KLRG1: variants seen among roughly 807,000 people sequenced by gnomAD.
KLRG1 encodes killer cell lectin-like receptor subfamily G member 1.
A neutral mutation model predicts 21.8 loss-of-function variants in KLRG1; 16 were observed. The ratio of observed to expected loss-of-function variants is 0.73; its 90% CI spans 0.50 to 1.11. The LOEUF (loss-of-function observed/expected upper bound fraction) is 1.11, where lower values mean the gene tolerates loss of function less well. KLRG1 is among the 50% of genes most tolerant of loss of function. KLRG1 has a pLI of 0.00. For synonymous variants in KLRG1, 69 were observed against 75.9 expected, an observed-to-expected ratio of 0.91 and a Z score of 0.47; for missense variants, 173 against 218.3, an observed-to-expected ratio of 0.79 and a Z score of 1.31.
the KLRG1 span, chr12:9,028,803 T>G: frequency 1.5e-5 from 9 of 620,392 alleles, no homozygotes; most frequent in Non-Finnish European, 2.7e-5. Context: ...GCACCTGGTC[T>G]TTGAGAATCT....
chr12:8,992,524 A>G (rs1592264773), intron 2 of KLRG1, among the ~76,000 whole-genome samples: 2 of 151,632 alleles, frequency 1.3e-5, no homozygotes, highest in Non-Finnish European at 1.5e-5. Flanking sequence ...GTCTCCCTCA[A>G]TCAGCCAGGC....
chr12:9,177,745 T>C, the KLRG1 span, among the ~76,000 whole-genome samples: 1 of 152,222 alleles, frequency 6.6e-6, no homozygotes, highest in Non-Finnish European at 1.5e-5. Context: ...GTTATGTTCA[T>C]AGTTTCTTCT....
the KLRG1 span, among the ~76,000 whole-genome samples, chr12:9,046,424 TA>T: frequency 2.0e-5 from 3 of 152,180 alleles, no homozygotes; most frequent in African/African-American, 7.2e-5. Flanking sequence ...CCACACAGGA[TA>T]CATACCAAGA....
the KLRG1 span, chr12:9,200,934 A>C: frequency 6.2e-7 from 1 of 1,614,038 alleles, no homozygotes; most frequent in Non-Finnish European, 8.5e-7. Context: ...CTTCCACCTG[A>C]TTCTGTCTGT....
At chr12:9,128,142 A>C in the KLRG1 span, 1 of 190,064 alleles carries the variant, frequency 5.3e-6, no homozygotes, top group African/African-American at 2.4e-5. Context: ...CACCTGGAGA[A>C]GAACCACAAC....
At chr12:9,115,910 A>T in the KLRG1 span, 1 of 1,415,324 alleles carries the variant, frequency 7.1e-7, no homozygotes. Flanking sequence ...CCTACAATCC[A>T]TCTGGTCCCA....
intron 1 of KLRG1, among the ~76,000 whole-genome samples, chr12:8,959,261 C>T (rs780445568): frequency 1.3e-5 from 2 of 152,118 alleles, no homozygotes; most frequent in Non-Finnish European, 2.9e-5. Context: ...TCTGGGGTCG[C>T]AAGATTTAGA....
chr12:9,196,563 A>C, the KLRG1 span: 1 of 1,591,322 alleles, frequency 6.3e-7, no homozygotes, highest in Non-Finnish European at 8.6e-7. Context: ...TTCGTTCATT[A>C]CTCACACCTG....
At chr12:9,110,346 A>G in the KLRG1 span, 3 of 1,390,774 alleles carry the variant, frequency 2.2e-6, no homozygotes, top group Non-Finnish European at 2.9e-6. Context: ...TGAAAGACAA[A>G]AGAAAAAAGA....
intron 1 of KLRG1, 28 bp downstream of exon 1, chr12:8,989,745 C>T (rs774103509): frequency 1.7e-5 from 22 of 1,305,004 alleles, no homozygotes; most frequent in African/African-American, 5.8e-5. Flanking sequence ...GCATGGAAGA[C>T]GATGCATAGC....
upstream of KLRG1, among the ~76,000 whole-genome samples, chr12:8,988,086 G>A (rs748541674): frequency 5.9e-5 from 9 of 152,246 alleles, no homozygotes; most frequent in South Asian, 2.1e-4. Flanking sequence ...CTATGTCTGC[G>A]CAGCCTAGAA....
the KLRG1 span, chr12:9,112,145 A>G: frequency 1.2e-6 from 2 of 1,613,060 alleles, no homozygotes; most frequent in Non-Finnish European, 1.7e-6. Context: ...TTATGTAGAT[A>G]ATAGAAAACT....
At chr12:9,088,926 C>T in the KLRG1 span, among the ~76,000 whole-genome samples, 1 of 151,916 alleles carries the variant, frequency 6.6e-6, no homozygotes, top group Admixed American at 6.5e-5. Flanking sequence ...TTGATTCTAC[C>T]CACTTTCTAC....
the KLRG1 span, among the ~76,000 whole-genome samples, chr12:9,174,558 AACCCCATTAT>A: frequency 6.6e-6 from 1 of 152,212 alleles, no homozygotes; most frequent in Non-Finnish European, 1.5e-5. Flanking sequence ...ATATCTAGAA[AACCCCATTAT>A]CTCAGTCCAA....
chr12:9,079,502 T>C, the KLRG1 span: 2 of 1,056,380 alleles, frequency 1.9e-6, no homozygotes, highest in Non-Finnish European at 2.8e-6. Context: ...GTGGATAGTT[T>C]CCTTGAAATT....
the KLRG1 span, among the ~76,000 whole-genome samples, chr12:9,180,519 C>T: frequency 6.6e-5 from 10 of 150,440 alleles, no homozygotes; most frequent in African/African-American, 1.7e-4. Flanking sequence ...ATCTGATCTT[C>T]GACAAACCTG....
chr12:9,194,109 T>C, the KLRG1 span: 2 of 1,613,950 alleles, frequency 1.2e-6, no homozygotes, highest in Admixed American at 3.3e-5. Context: ...GAGATACTGG[T>C]AGTATTGATT....
the KLRG1 span, among the ~76,000 whole-genome samples, chr12:9,176,678 G>A: frequency 1.3e-5 from 2 of 152,192 alleles, no homozygotes; most frequent in African/African-American, 2.4e-5. Flanking sequence ...GTAAGATTGA[G>A]TCTTAATCAG....
the KLRG1 span, chr12:9,101,659 G>T: frequency 6.2e-7 from 1 of 1,612,152 alleles, no homozygotes; most frequent in South Asian, 1.1e-5. Context: ...CAGGGACTAC[G>T]ATCCTTGTAA....
Sources: gnomAD v4.1 joint callset for allele counts (sites outside exome capture counted in the v4.1 genomes callset) on GRCh38, gnomAD v4.1.1 for gene constraint, MANE v1.5 for transcripts, NCBI Gene and HGNC (gene_info 2026-07-23, HGNC 2026-07-21) for gene names.